Variants in CDH15 observed in about 807,000 individuals in gnomAD.
CDH15 encodes cadherin-15.
Under a neutral mutation model 69.4 loss-of-function variants are expected in CDH15, and 73 were observed. The ratio of observed to expected loss-of-function variants is 1.05; its 90% CI spans 0.87 to 1.28. The LOEUF is 1.28. CDH15 is among the 50% of genes most tolerant of loss of function. The pLI is 0.00. For missense variants in CDH15, 1,343 were observed against 1,133.6 expected (o/e 1.18, Z -2.65); for synonymous variants, 624 against 507.7 (o/e 1.23, Z -3.08).
At position 89,194,944 on chromosome 16, in the gene CDH15, T is replaced by C. The variant is rs1412561977; in HGVS notation, c.2234T>C (p.Val745Ala). The part of the protein sequence containing the change: ...LIYDYEGDGS[V>A]AGTLSSILSS... ...TATGACTACGAGGGTGACGGCTCGG[T>C]GGCGGGGACGCTGAGCTCCATCCTG... The change falls in exon 14 of 14, where the codon GTG (valine) becomes GCG (alanine). Residue 745 changes from valine to alanine, a missense_variant. Val to Ala is a moderately conservative substitution (Grantham distance 64). Transcript: ENST00000289746. 9 of 1,608,330 alleles carry C rather than the reference T, an allele frequency of 5.6e-6. No homozygotes were observed. Among genetic ancestry groups the C allele is most frequent in the Non-Finnish European group, 6.8e-6 (8 of 1,178,098 alleles).
intron 5 of CDH15, 133 bp from the exon 6 acceptor site, chr16:89,187,295 CT>C (rs1462130926): frequency 1.0e-6 from 1 of 991,696 alleles, no homozygotes; most frequent in Admixed American, 2.0e-5. Flanking sequence ...CTCAGGGCCA[CT>C]TGGGGTCTTC....
chr16:89,180,503 A>G (rs1915352829), intron 3 of CDH15, 148 bp downstream of exon 3: 5 of 942,432 alleles, frequency 5.3e-6, no homozygotes, highest in Non-Finnish European at 8.3e-6. Flanking sequence ...GGGGGCAGGT[A>G]CAGGGGTTTG....
intron 6 of CDH15, 96 bp from the exon 7 acceptor site, chr16:89,188,004 A>AG (rs1915527611): frequency 1.1e-6 from 1 of 877,734 alleles, no homozygotes; most frequent in African/African-American, 5.1e-5. Flanking sequence ...GGCAGGAGGG[A>AG]GGGTGGGAGG....
intron 1 of CDH15, among the ~76,000 whole-genome samples, chr16:89,176,872 C>G (rs1173737955): frequency 1.3e-5 from 2 of 149,870 alleles, no homozygotes; most frequent in African/African-American, 5.1e-5. Context: ...GGACCCCCAG[C>G]ACCTCCCACC....
chr16:89,178,454 C>T (rs550708066), intron 1 of CDH15, among the ~76,000 whole-genome samples: 5 of 152,248 alleles, frequency 3.3e-5, no homozygotes, highest in African/African-American at 1.2e-4. Context: ...AAGATTTTAC[C>T]GAGGTACCCT....
At position 89,171,831 on chromosome 16, in the gene CDH15, G is replaced by C; in HGVS notation, c.-1G>C. The C allele has an allele frequency of 1.3e-6, 2 of 1,557,842 alleles. No homozygotes were observed. Among genetic ancestry groups the C allele is most frequent in the Non-Finnish European group, 8.7e-7 (1 of 1,154,878 alleles). On this transcript the variant is annotated 5_prime_UTR_variant, in exon 1 of 14. Transcript: ENST00000289746. ...CCGGCCCGGCTCCCGCCTCGGCCCC[G>C]ATGGACGCCGCGTTCCTCCTCGTCC... is the stretch of plus-strand genomic sequence containing the variant.
intron 12 of CDH15, 62 bp downstream of exon 12, chr16:89,193,668 C>A (rs1915712646): frequency 6.4e-7 from 1 of 1,566,924 alleles, no homozygotes; most frequent in East Asian, 2.4e-5. Context: ...GGCCTTCTTA[C>A]AACAAGCTGG....
At chr16:89,175,426 C>T (rs951950303) in intron 1 of CDH15, among the ~76,000 whole-genome samples, 1 of 152,242 alleles carries the variant, frequency 6.6e-6, no homozygotes, top group African/African-American at 2.4e-5. Flanking sequence ...AGAGCCTAAT[C>T]TGGGTCTCAG....
intron 11 of CDH15, among the ~76,000 whole-genome samples, chr16:89,193,246 C>T (rs888752748): frequency 7.2e-6 from 1 of 138,136 alleles, no homozygotes; most frequent in South Asian, 2.4e-4. Flanking sequence ...CAGCCAAGCT[C>T]CCTCCTCCAC....
At chr16:89,173,349 G>A (rs926876416) in intron 1 of CDH15, among the ~76,000 whole-genome samples, 18 of 152,172 alleles carry the variant, frequency 1.2e-4, no homozygotes, top group Non-Finnish European at 1.8e-4. Flanking sequence ...CTTTGGATTT[G>A]GGAGTGTCTG....
At chr16:89,173,600 C>T (rs1371722408) in intron 1 of CDH15, among the ~76,000 whole-genome samples, 1 of 152,166 alleles carries the variant, frequency 6.6e-6, no homozygotes, top group Non-Finnish European at 1.5e-5. Context: ...AGTGTCAGGA[C>T]CCTGCCTGCC....
At chr16:89,173,325 C>T (rs1189004987) in intron 1 of CDH15, among the ~76,000 whole-genome samples, 1 of 152,174 alleles carries the variant, frequency 6.6e-6, no homozygotes, top group Non-Finnish European at 1.5e-5. Context: ...GAAAACATTC[C>T]TCCAGACCTC....
intron 3 of CDH15, chr16:89,182,718 A>G (rs1475915263): frequency 6.6e-6 from 1 of 152,220 alleles, no homozygotes; most frequent in Admixed American, 6.5e-5. Context: ...CTCTGCAGGA[A>G]GCAAAATTTC....
At chr16:89,194,446 A>G (rs1000409040) in intron 13 of CDH15, among the ~76,000 whole-genome samples, 1 of 152,154 alleles carries the variant, frequency 6.6e-6, no homozygotes, top group African/African-American at 2.4e-5. Flanking sequence ...TGTCCCCACG[A>G]GCTGAGAGGA....
At chr16:89,193,430 C>A in intron 11 of CDH15, 40 bp from the exon 12 acceptor site, 2 of 1,567,718 alleles carry the variant, frequency 1.3e-6, no homozygotes, top group Admixed American at 1.8e-5. Context: ...TGAAGTCGCG[C>A]CCTGTGCCTG....
chr16:89,188,736 A>C (rs1915557243), intron 7 of CDH15, among the ~76,000 whole-genome samples: 1 of 146,266 alleles, frequency 6.8e-6, no homozygotes, highest in Non-Finnish European at 1.5e-5. Context: ...CGGCACACAC[A>C]GATGCCGGCA....
At chr16:89,184,316 A>T (rs1597306342) in intron 4 of CDH15, among the ~76,000 whole-genome samples, 1 of 152,148 alleles carries the variant, frequency 6.6e-6, no homozygotes, top group African/African-American at 2.4e-5. Flanking sequence ...CCCGGGGGGA[A>T]GTCACAGCCA....
chr16:89,189,695 C>G, intron 7 of CDH15, among the ~76,000 whole-genome samples: 1 of 152,240 alleles, frequency 6.6e-6, no homozygotes, highest in South Asian at 2.1e-4. Context: ...AGAAAGAGGC[C>G]ATAGGAGACA....
At chr16:89,191,625 G>C (rs1336366403) in intron 9 of CDH15, 30 bp from the exon 10 acceptor site, 17 of 1,569,074 alleles carry the variant, frequency 1.1e-5, no homozygotes, top group Non-Finnish European at 1.4e-5. Flanking sequence ...GGGTGTTGGG[G>C]TCACTAAGCC....
Sources: gnomAD v4.1 joint callset for allele counts (sites outside exome capture counted in the v4.1 genomes callset) on GRCh38, gnomAD v4.1.1 for gene constraint, MANE v1.5 for transcripts, NCBI Gene and HGNC (gene_info 2026-07-23, HGNC 2026-07-21) for gene names.